NXN: variants seen among roughly 807,000 people sequenced by gnomAD.
NXN encodes nucleoredoxin 1.
NXN carries 16 observed loss-of-function variants against 48.6 expected under a neutral mutation model. That is an observed-to-expected ratio of 0.33 (90% CI 0.22 to 0.50). The LOEUF (loss-of-function observed/expected upper bound fraction) is 0.50. NXN is among the 20% of genes least tolerant of loss of function. The pLI, the probability that NXN is intolerant of heterozygous loss-of-function variation, is 0.98. For synonymous variants in NXN, 281 were observed against 269.6 expected, an observed-to-expected ratio of 1.04 and a Z score of -0.41; for missense variants, 492 against 605.5, an observed-to-expected ratio of 0.81 and a Z score of 1.97.
At chr17:972,030 G>A (rs2069387502) in intron 1 of NXN, among the ~76,000 whole-genome samples, 1 of 152,146 alleles carries the variant, frequency 6.6e-6, no homozygotes, top group South Asian at 2.1e-4. Flanking sequence ...GCCAGTCACG[G>A]TGGCTCACAC....
chr17:896,839 G>T, intron 1 of NXN: 1 of 1,177,970 alleles, frequency 8.5e-7, no homozygotes, highest in Non-Finnish European at 1.1e-6. Flanking sequence ...TGCTAAAATG[G>T]ACCACGCGGT....
intron 1 of NXN, among the ~76,000 whole-genome samples, chr17:974,368 T>G (rs557823617): frequency 6.6e-6 from 1 of 151,936 alleles, no homozygotes; most frequent in African/African-American, 2.4e-5. Flanking sequence ...TATATAGATA[T>G]ATATATATAG....
At chr17:822,571 C>A in intron 3 of NXN, 114 bp from the exon 4 acceptor site, 1 of 697,830 alleles carries the variant, frequency 1.4e-6, no homozygotes, top group South Asian at 1.7e-5. Flanking sequence ...AGCAAAATCC[C>A]GTTCATGAAA....
At chr17:916,201 G>GGA (rs2068687472) in intron 1 of NXN, among the ~76,000 whole-genome samples, 1 of 152,168 alleles carries the variant, frequency 6.6e-6, no homozygotes, top group South Asian at 2.1e-4. Flanking sequence ...CAACAGAAAT[G>GGA]GAGGCAGAAA....
intron 5 of NXN, among the ~76,000 whole-genome samples, chr17:807,582 C>A (rs1014670493): frequency 7.3e-5 from 11 of 151,450 alleles, no homozygotes; most frequent in Admixed American, 7.3e-4. Context: ...CACGGAGCCC[C>A]CACCTGGCTT....
rs572726026 is a variant in NXN, at chr17:849,969, G to A, written c.361-23891C>T. Among the ~76,000 whole-genome samples, 3 of 152,244 alleles carry A rather than the reference G, an allele frequency of 2.0e-5. No individual in the cohort carries two copies. The highest frequency in any genetic ancestry group is 6.5e-5 in the Admixed American group (1 of 15,296). On this transcript the variant is annotated intron_variant, in intron 1 of 7. Coordinates refer to ENST00000336868, the MANE Select transcript of NXN (RefSeq NM_022463.5). This position sits in a 1 kb window ranked among gnomAD's most constrained non-coding sequence, Gnocchi z 4.2. ...CCCAGGCTGGTCCCTCCGCATCCCA[G>A]CTGGGTGCCGTTCCTGCATCTGGAG...
intron 5 of NXN, among the ~76,000 whole-genome samples, chr17:807,874 C>T (rs1161417851): frequency 1.3e-5 from 2 of 152,248 alleles, no homozygotes; most frequent in African/African-American, 4.8e-5. Context: ...CTTCTGCGGC[C>T]GTCTGCCCTG....
intron 1 of NXN, among the ~76,000 whole-genome samples, chr17:951,084 C>A (rs1280312696): frequency 1.3e-5 from 2 of 150,220 alleles, no homozygotes; most frequent in Non-Finnish European, 3.0e-5. Flanking sequence ...CGCCTGTAAT[C>A]CCAGCACTTT....
intron 7 of NXN, among the ~76,000 whole-genome samples, chr17:803,049 CTGCAGGG>C (rs889350426): frequency 4.6e-5 from 7 of 152,204 alleles, no homozygotes; most frequent in Admixed American, 6.5e-5. Flanking sequence ...AGACGCCCGT[CTGCAGGG>C]TGCAGGGTGC....
intron 5 of NXN, among the ~76,000 whole-genome samples, chr17:809,007 T>C (rs922334242): frequency 2.0e-5 from 3 of 152,106 alleles, no homozygotes; most frequent in African/African-American, 7.2e-5. Context: ...CCTAAACTGA[T>C]TATTTGGCTC....
intron 1 of NXN, among the ~76,000 whole-genome samples, chr17:876,734 A>C (rs2068220059): frequency 6.6e-6 from 1 of 152,088 alleles, no homozygotes; most frequent in Non-Finnish European, 1.5e-5. Context: ...AGCTCCCAGC[A>C]CATTCTATGT....
intron 5 of NXN, among the ~76,000 whole-genome samples, chr17:807,271 T>G: frequency 6.6e-6 from 1 of 151,950 alleles, no homozygotes; most frequent in East Asian, 1.9e-4. Context: ...TTCCTCAGAG[T>G]AGGGTGTTTC....
chr17:875,761 T>TA (rs35059194), intron 1 of NXN, among the ~76,000 whole-genome samples: 14,765 of 143,284 alleles, frequency 0.1, 737 homozygotes, highest in Middle Eastern at 0.15. Flanking sequence ...CCTGGTAAAT[T>TA]AAAAAAAAAA....
In NXN at chr17:800,970, C is replaced by A; in HGVS notation, c.1287G>T (p.Lys429Asn). ...EAFVNDFLAE[K>N]LKPEPI ...CACGCTAGATGGGCTCCGGTTTGAG[C>A]TTCTCTGCTAGGAAGTCATTCACAA... The change falls in exon 8 of 8, where the codon AAG (lysine) becomes AAT (asparagine). Residue 429 changes from lysine to asparagine, a missense_variant. By Grantham distance (94) the Lys-to-Asn change is moderately conservative. Transcript: ENST00000336868. 1 of 1,508,106 alleles carries A rather than the reference C, an allele frequency of 6.6e-7. No individual in the cohort carries two copies. Among genetic ancestry groups the A allele is most frequent in the Non-Finnish European group, 8.9e-7 (1 of 1,123,090 alleles). 93.4% of individuals were successfully genotyped at this position (1,508,106 alleles called of 1,614,324 possible).
At chr17:933,323 AG>A (rs1356456493) in intron 1 of NXN, 3 of 152,250 alleles carry the variant, frequency 2.0e-5, no homozygotes, top group Non-Finnish European at 2.9e-5. Context: ...GCAGCCAAGA[AG>A]TAAATTAAAT....
chr17:840,631 G>A (rs895009933), intron 1 of NXN, among the ~76,000 whole-genome samples: 54 of 151,750 alleles, frequency 3.6e-4, no homozygotes, highest in Middle Eastern at 3.4e-3. Context: ...GAGCCACCGC[G>A]CCCGGCCGGC....
chr17:886,146 G>A (rs2068344647), intron 1 of NXN, among the ~76,000 whole-genome samples: 1 of 152,054 alleles, frequency 6.6e-6, no homozygotes, highest in Non-Finnish European at 1.5e-5. Flanking sequence ...ACCCCATTCT[G>A]ACCACGGGTC....
chr17:823,164 C>T (rs1037932000), intron 3 of NXN, among the ~76,000 whole-genome samples: 2 of 150,846 alleles, frequency 1.3e-5, no homozygotes, highest in Non-Finnish European at 2.9e-5. Flanking sequence ...TTTGGGAGGC[C>T]GAGGCGGGCA....
chr17:943,986 C>T (rs986711765), intron 1 of NXN, among the ~76,000 whole-genome samples: 4 of 152,132 alleles, frequency 2.6e-5, no homozygotes, highest in Admixed American at 6.5e-5. Flanking sequence ...GCCTGTAATC[C>T]CAGCACTTTG....
Sources: gnomAD v4.1 joint callset for allele counts (sites outside exome capture counted in the v4.1 genomes callset) on GRCh38, gnomAD v4.1.1 for gene constraint, Gnocchi (gnomAD v3.1) non-coding constraint, MANE v1.5 for transcripts, NCBI Gene and HGNC (gene_info 2026-07-23, HGNC 2026-07-21) for gene names.